ALK: variants seen among roughly 807,000 people sequenced by gnomAD.
ALK encodes ALK tyrosine kinase receptor.
In ALK, 74 loss-of-function variants were observed where a neutral mutation model predicts 163.1. That is an observed-to-expected ratio of 0.45 (90% confidence interval 0.38 to 0.55). The LOEUF (loss-of-function observed/expected upper bound fraction) is 0.55. Ranked by LOEUF, ALK falls within the 20% of genes least tolerant of loss-of-function variation. The pLI, the probability that ALK is intolerant of heterozygous loss-of-function variation, is 0.00. For missense variants in ALK, 2,063 were observed against 2,105.3 expected (o/e 0.98, Z 0.39); for synonymous variants, 960 against 843.2 (o/e 1.14, Z -2.40).
At chr2:29,571,023 G>C (rs1192324058) in intron 3 of ALK, among the ~76,000 whole-genome samples, 1 of 152,200 alleles carries the variant, frequency 6.6e-6, no homozygotes, top group South Asian at 2.1e-4. Flanking sequence ...GGAAGAAAGA[G>C]TTGGAGGAGA....
intron 1 of ALK, among the ~76,000 whole-genome samples, chr2:29,835,834 C>T (rs529778120): frequency 2.6e-5 from 4 of 152,322 alleles, no homozygotes; most frequent in South Asian, 4.1e-4. Context: ...AGACAAGCCT[C>T]ACCTTCCGCC....
At chr2:29,514,462 A>T (rs1050767184) in intron 4 of ALK, among the ~76,000 whole-genome samples, 32 of 152,198 alleles carry the variant, frequency 2.1e-4, no homozygotes, top group African/African-American at 7.2e-4. Flanking sequence ...AGAATTTCCT[A>T]GACCTTTTAA....
chr2:29,576,778 T>C (rs1159977751), intron 3 of ALK, among the ~76,000 whole-genome samples: 1 of 151,988 alleles, frequency 6.6e-6, no homozygotes, highest in African/African-American at 2.4e-5. Context: ...GTGCAAACCC[T>C]ACAGTAAACT....
chr2:29,672,448 T>C (rs1288505957), intron 3 of ALK, among the ~76,000 whole-genome samples: 1 of 150,350 alleles, frequency 6.7e-6, no homozygotes, highest in Non-Finnish European at 1.5e-5. Flanking sequence ...GTTCTTGCGA[T>C]AGTTTACTGA....
chr2:29,874,211 C>G (rs1666646679), intron 1 of ALK, among the ~76,000 whole-genome samples: 1 of 152,120 alleles, frequency 6.6e-6, no homozygotes, highest in Non-Finnish European at 1.5e-5. Flanking sequence ...AGATTATTCC[C>G]TTCTCTATGG....
chr2:29,376,137 C>G (rs532688889), intron 5 of ALK, among the ~76,000 whole-genome samples: 1 of 151,992 alleles, frequency 6.6e-6, no homozygotes, highest in South Asian at 2.1e-4. Context: ...CTCCCCCACA[C>G]AGAAACATTC....
intron 3 of ALK, among the ~76,000 whole-genome samples, chr2:29,620,062 G>T (rs1035936855): frequency 6.6e-6 from 1 of 152,308 alleles, no homozygotes; most frequent in South Asian, 2.1e-4. Flanking sequence ...GACCCCTTTC[G>T]TAATGCCTCA....
Position 29,427,441 on chromosome 2 carries a change from T to C in ALK, c.1155-43582A>G, listed in dbSNP as rs1008271816. 3.9e-5 allele frequency among the ~76,000 whole-genome samples: 6 copies of C among 152,200 alleles called. No homozygotes were observed. The East Asian group carries it at 1.2e-3, about 29-fold the overall frequency. ...GGGGAATAGAGCTATATGAGAGCAA[T>C]GTTTCTGTATCTCACTGGAATTAAG... On this transcript the variant is annotated intron_variant, in intron 4 of 28. Transcript: ENST00000389048.
Position 29,920,185 on chromosome 2 carries a change from C to T in ALK, c.475G>A (p.Gly159Arg), listed in dbSNP as rs367875912. 8 of 1,613,370 alleles carry T rather than the reference C, an allele frequency of 5.0e-6. No homozygotes were observed. The highest frequency in any genetic ancestry group is 1.7e-5 in the Admixed American group (1 of 60,018). Reference protein sequence around the residue: ...AILEGCVGPPGEAAVGLLQFN... With the variant: ...AILEGCVGPPREAAVGLLQFN... ...TGGAGCAGCCCCACAGCCGCCTCCC[C>T]GGGGGGCCCGACGCAACCCTCCAAG... Residue 159 changes from glycine to arginine, a missense_variant, in exon 1 of 29, where the codon GGG (glycine) becomes AGG (arginine). This residue lies in a region of ALK where 987 missense variants were observed against 939.5 expected (regional missense o/e 1.05). Transcript: ENST00000389048.
intron 1 of ALK, among the ~76,000 whole-genome samples, chr2:29,823,927 C>G (rs1373974233): frequency 1.3e-5 from 2 of 152,202 alleles, no homozygotes; most frequent in African/African-American, 4.8e-5. Context: ...CAGGGCATGT[C>G]AGAGGTCTTC....
intron 4 of ALK, among the ~76,000 whole-genome samples, chr2:29,449,078 A>G (rs982534553): frequency 1.3e-5 from 2 of 152,216 alleles, no homozygotes; most frequent in Non-Finnish European, 2.9e-5. Context: ...TTGCATGACA[A>G]TCTTCCAATA....
intron 5 of ALK, among the ~76,000 whole-genome samples, chr2:29,337,528 G>A (rs1281991276): frequency 3.3e-5 from 5 of 152,116 alleles, no homozygotes; most frequent in Non-Finnish European, 7.4e-5. Context: ...TCAGAACCAC[G>A]CAGGAGCTTC....
intron 3 of ALK, among the ~76,000 whole-genome samples, chr2:29,691,832 C>T (rs754444132): frequency 6.6e-5 from 10 of 152,170 alleles, no homozygotes; most frequent in Non-Finnish European, 1.2e-4. Context: ...CTTTAAAGCA[C>T]AAACTTTCAA....
intron 6 of ALK, among the ~76,000 whole-genome samples, chr2:29,328,090 C>T (rs781341388): frequency 4.6e-5 from 7 of 152,220 alleles, no homozygotes; most frequent in Non-Finnish European, 1.0e-4. Flanking sequence ...CACATTTTCT[C>T]TGTGCCTTGA....
At chr2:29,612,550 G>A (rs1407644135) in intron 3 of ALK, among the ~76,000 whole-genome samples, 2 of 152,218 alleles carry the variant, frequency 1.3e-5, no homozygotes, top group South Asian at 2.1e-4. Flanking sequence ...CTACCCAGAA[G>A]AGAGTTCTCC....
At chr2:29,308,601 G>T (rs1299736522) in intron 8 of ALK, among the ~76,000 whole-genome samples, 4 of 152,170 alleles carry the variant, frequency 2.6e-5, no homozygotes, top group Non-Finnish European at 5.9e-5. Context: ...TGCTGTGAAC[G>T]GAACGCAAGC....
At chr2:29,572,649 G>A (rs1006778589) in intron 3 of ALK, among the ~76,000 whole-genome samples, 1 of 152,070 alleles carries the variant, frequency 6.6e-6, no homozygotes. Context: ...AACCTTTAGC[G>A]TCTATGATCC....
At chr2:29,405,429 A>T (rs1225195619) in intron 4 of ALK, among the ~76,000 whole-genome samples, 1 of 152,112 alleles carries the variant, frequency 6.6e-6, no homozygotes, top group Non-Finnish European at 1.5e-5. Context: ...AGGAGGCAGA[A>T]CAGCTGTTTG....
At chr2:29,245,131 C>T (rs1053754651) in intron 12 of ALK, among the ~76,000 whole-genome samples, 8 of 147,052 alleles carry the variant, frequency 5.4e-5, no homozygotes, top group Non-Finnish European at 1.2e-4. Flanking sequence ...ACAGTTGGAG[C>T]GGTATGGCTC....
Sources: gnomAD v4.1 joint callset for allele counts (sites outside exome capture counted in the v4.1 genomes callset) on GRCh38, gnomAD v4.1.1 for gene constraint, gnomAD v4.1.1 regional missense constraint, MANE v1.5 for transcripts, NCBI Gene and HGNC (gene_info 2026-07-23, HGNC 2026-07-21) for gene names.